Variants in ADGRB1 observed in about 807,000 individuals in gnomAD.
The protein encoded by ADGRB1 is adhesion G protein-coupled receptor B1.
ADGRB1 carries 36 observed loss-of-function variants against 175.7 expected under a neutral mutation model. The observed-to-expected ratio is 0.20, with a 90% confidence interval of 0.16 to 0.27. ADGRB1 has a LOEUF of 0.27. Ranked by LOEUF, ADGRB1 falls within the 10% of genes least tolerant of loss-of-function variation. ADGRB1 has a pLI of 1.00. For synonymous variants in ADGRB1, 1,054 were observed against 979.4 expected, an observed-to-expected ratio of 1.08 and a Z score of -1.42; for missense variants, 1,731 against 2,255.3, an observed-to-expected ratio of 0.77 and a Z score of 4.71.
At chr8:142,516,288 T>TGCGGGCCCCAG (rs1843421965) in intron 18 of ADGRB1, among the ~76,000 whole-genome samples, 4 of 132,840 alleles carry the variant, frequency 3.0e-5, no homozygotes, top group African/African-American at 5.8e-5. Context: ...GTTGCGTGTG[T>TGCGGGCCCCAG]GTGGGCCCCA....
In ADGRB1 at chr8:142,542,168, G is replaced by A. The variant is rs749575661; in HGVS notation, c.3934G>A (p.Asp1312Asn). 1 of 1,613,506 alleles carries A rather than the reference G, an allele frequency of 6.2e-7. No homozygotes were observed. The highest frequency in any genetic ancestry group is 2.2e-5 in the East Asian group (1 of 44,840). Residue 1312 changes from aspartate to asparagine, a missense_variant, in exon 28 of 31, where the codon GAC (aspartate) becomes AAC (asparagine). Physicochemically the swap from Asp to Asn is conservative, Grantham distance 23. Transcript: ENST00000517894. The surrounding 1 kb of genome is among the most constrained non-coding windows in gnomAD (Gnocchi z 6.3). ...CAACCACTCACTGACCCTCAAGAGG[G>A]ACAAGGCGCCCAAGTCCTCCTTCGT... Reference protein sequence around the residue: ...FPNHSLTLKRDKAPKSSFVGD... With the variant: ...FPNHSLTLKRNKAPKSSFVGD...
chr8:142,505,760 T>C (rs12546526), intron 17 of ADGRB1, among the ~76,000 whole-genome samples: 135,951 of 152,252 alleles, frequency 0.89, 60,916 homozygotes, highest in African/African-American at 0.97. Flanking sequence ...AAATGACTGG[T>C]GCCCTGGGAA....
intron 2 of ADGRB1, among the ~76,000 whole-genome samples, chr8:142,467,774 C>T (rs1840359609): frequency 6.6e-6 from 1 of 152,228 alleles, no homozygotes; most frequent in African/African-American, 2.4e-5. Flanking sequence ...GGTCTCTCAT[C>T]CCCTCAGGCC....
At chr8:142,453,698 G>A (rs1273149741) in intron 1 of ADGRB1, among the ~76,000 whole-genome samples, 3 of 152,144 alleles carry the variant, frequency 2.0e-5, no homozygotes, top group Non-Finnish European at 4.4e-5. Flanking sequence ...GGGAGGGCGT[G>A]GTCCTGTGCA....
At chr8:142,490,060 A>C (rs1841913457) in intron 16 of ADGRB1, among the ~76,000 whole-genome samples, 1 of 152,120 alleles carries the variant, frequency 6.6e-6, no homozygotes, top group African/African-American at 2.4e-5. Flanking sequence ...TGCCTGGGTT[A>C]CCGCACCAGG....
chr8:142,451,514 A>C (rs1259709749), intron 1 of ADGRB1, among the ~76,000 whole-genome samples: 4 of 151,956 alleles, frequency 2.6e-5, no homozygotes, highest in African/African-American at 9.7e-5. Flanking sequence ...GAAAGGCAGG[A>C]AGGCGTGTGG....
intron 2 of ADGRB1, among the ~76,000 whole-genome samples, chr8:142,469,598 T>C (rs929299501): frequency 8.7e-5 from 13 of 148,588 alleles, no homozygotes; most frequent in Non-Finnish European, 1.9e-4. Flanking sequence ...AATGTGTGTG[T>C]GCACGTGCAT....
chr8:142,506,581 C>A (rs1376702427), intron 17 of ADGRB1, among the ~76,000 whole-genome samples: 1 of 152,184 alleles, frequency 6.6e-6, no homozygotes, highest in African/African-American at 2.4e-5. Flanking sequence ...CGGGAGCAGT[C>A]GCTGTGTGCG....
intron 18 of ADGRB1, among the ~76,000 whole-genome samples, chr8:142,516,768 A>T (rs1386924551): frequency 2.6e-5 from 4 of 151,964 alleles, no homozygotes; most frequent in Non-Finnish European, 5.9e-5. Context: ...TGTGCATGTC[A>T]GGCGTGTGGC....
Position 142,539,370 on chromosome 8 carries a change from A to G in ADGRB1, c.3667-4A>G, listed in dbSNP as rs775448797. On this transcript the variant is annotated splice_polypyrimidine_tract_variant and splice_region_variant and intron_variant, in intron 26 of 30. Transcript: ENST00000517894. The stretch of plus-strand genomic sequence containing the variant: ...CACCCTGCCCTGTTGTCTCTGTCCT[A>G]CAGACCGACTTCGAGAAGGACGTGG... The G allele has an allele frequency of 3.8e-6, 6 of 1,586,460 alleles. No individual in the cohort carries two copies. In the African/African-American group the frequency reaches 8.1e-5, roughly 21 times the overall value.
chr8:142,513,045 G>T (rs1198949469), intron 18 of ADGRB1, among the ~76,000 whole-genome samples: 2 of 152,158 alleles, frequency 1.3e-5, no homozygotes, highest in Admixed American at 1.3e-4. Context: ...GCTGTCGGGG[G>T]GCGCTTCTAG....
chr8:142,460,066 G>T (rs906401045), intron 1 of ADGRB1, among the ~76,000 whole-genome samples: 7 of 152,204 alleles, frequency 4.6e-5, no homozygotes, highest in African/African-American at 1.7e-4. Context: ...TGCCCGGCTC[G>T]GGCCTGGCGT....
rs1842099034 is a variant in ADGRB1 at position 142,493,947 on chromosome 8, G to C, written c.2675+3132G>C. Among the ~76,000 whole-genome samples the C allele has an allele frequency of 6.6e-6, 1 of 152,180 alleles. No homozygotes were observed. The highest frequency in any genetic ancestry group is 2.1e-4 in the South Asian group (1 of 4,830). On this transcript the variant is annotated intron_variant, in intron 17 of 30. Coordinates refer to ENST00000517894, the MANE Select transcript of ADGRB1 (RefSeq NM_001702.3). This position sits in a 1 kb window ranked among gnomAD's most constrained non-coding sequence, Gnocchi z 5.0. ...CAGTTGACCTGAAGTGGAGACCACGGGCAGGGGCCCAGGTCTGTTTCCACC... is the reference window on the plus strand; with the variant it reads ...CAGTTGACCTGAAGTGGAGACCACGCGCAGGGGCCCAGGTCTGTTTCCACC...
intron 9 of ADGRB1, 104 bp from the exon 10 acceptor site, chr8:142,481,149 TG>T: frequency 9.6e-7 from 1 of 1,043,222 alleles, no homozygotes; most frequent in Non-Finnish European, 1.5e-6. Context: ...TCCCTGTTTC[TG>T]GGGGCCACAG....
At chr8:142,514,282 G>A (rs958618637) in intron 18 of ADGRB1, among the ~76,000 whole-genome samples, 1 of 151,960 alleles carries the variant, frequency 6.6e-6, no homozygotes, top group African/African-American at 2.4e-5. Context: ...ATCCGGGCAG[G>A]GTGGTAGAGC....
At chr8:142,473,118 A>G (rs974079508) in intron 2 of ADGRB1, among the ~76,000 whole-genome samples, 3 of 152,156 alleles carry the variant, frequency 2.0e-5, no homozygotes, top group African/African-American at 7.2e-5. Context: ...TCTCTCCTGA[A>G]AGGCTGCGTG....
chr8:142,458,537 C>A (rs1167620562), intron 1 of ADGRB1, among the ~76,000 whole-genome samples: 1 of 152,088 alleles, frequency 6.6e-6, no homozygotes, highest in Non-Finnish European at 1.5e-5. Context: ...CTTCCCCACG[C>A]TGTGGCTCCC....
intron 3 of ADGRB1, 122 bp from the exon 4 acceptor site, chr8:142,476,463 G>T: frequency 1.6e-5 from 14 of 851,886 alleles, no homozygotes; most frequent in Non-Finnish European, 2.6e-5. Flanking sequence ...TCTGGTCCCT[G>T]GCTCCCAGCT....
At chr8:142,539,475 G>A (rs1188160835) in intron 27 of ADGRB1, 62 bp downstream of exon 27, 13 of 1,562,444 alleles carry the variant, frequency 8.3e-6, no homozygotes, top group East Asian at 2.4e-5. Context: ...CCCACTCCAC[G>A]CCTCCGCCTG....
Sources: gnomAD v4.1 joint callset for allele counts (sites outside exome capture counted in the v4.1 genomes callset) on GRCh38, gnomAD v4.1.1 for gene constraint, Gnocchi (gnomAD v3.1) non-coding constraint, MANE v1.5 for transcripts, NCBI Gene and HGNC (gene_info 2026-07-23, HGNC 2026-07-21) for gene names.